The following FGFR2 variants were observed in gnomAD, a reference collection of about 807,000 sequenced individuals.
The protein encoded by FGFR2 is BEK fibroblast growth factor receptor.
A neutral mutation model predicts 95.9 loss-of-function variants in FGFR2; 19 were observed. The observed-to-expected ratio is 0.20, with a 90% CI of 0.14 to 0.29. The LOEUF is 0.29. Ranked by LOEUF, FGFR2 falls within the 10% of genes least tolerant of loss-of-function variation. The pLI, the probability that FGFR2 is intolerant of heterozygous loss-of-function variation, is 1.00. For synonymous variants in FGFR2, 392 were observed against 393.3 expected (o/e 1.00, Z 0.04); for missense variants, 707 against 1,056.9 (o/e 0.67, Z 4.59).
intron 13 of FGFR2, among the ~76,000 whole-genome samples, chr10:121,492,591 T>C (rs1461295843): frequency 6.6e-6 from 1 of 152,194 alleles, no homozygotes; most frequent in East Asian, 1.9e-4. Context: ...TGGCTCCCCA[T>C]TGTGAGGGGA....
At chr10:121,556,132 G>A (rs990943376) in intron 4 of FGFR2, among the ~76,000 whole-genome samples, 3 of 150,280 alleles carry the variant, frequency 2.0e-5, no homozygotes, top group Non-Finnish European at 2.9e-5. Flanking sequence ...ATGGATGGAC[G>A]GACGGATGGA....
At chr10:121,546,286 G>T (rs1195367341) in intron 5 of FGFR2, among the ~76,000 whole-genome samples, 1 of 152,040 alleles carries the variant, frequency 6.6e-6, no homozygotes, top group Non-Finnish European at 1.5e-5. Context: ...AGCCTGAAGG[G>T]ATCAGGATTA....
intron 9 of FGFR2, among the ~76,000 whole-genome samples, chr10:121,509,482 CTTTTTTTTTTTTTTTTTT>C (rs67778522): frequency 2.2e-5 from 1 of 45,354 alleles, no homozygotes; most frequent in East Asian, 9.4e-4. Flanking sequence ...TGTTTCTTTT[CTTTTTTTTTTTTTTTTTT>C]TTTTTTTTTG....
At chr10:121,551,918 C>A (rs1396453053) in intron 4 of FGFR2, among the ~76,000 whole-genome samples, 1 of 152,010 alleles carries the variant, frequency 6.6e-6, no homozygotes, top group Non-Finnish European at 1.5e-5. Context: ...TCCATTGGAG[C>A]CTTACTTTAA....
At chr10:121,554,275 C>T (rs1855803151) in intron 4 of FGFR2, among the ~76,000 whole-genome samples, 1 of 152,016 alleles carries the variant, frequency 6.6e-6, no homozygotes, top group African/African-American at 2.4e-5. Flanking sequence ...CACAGCCTCT[C>T]TTTAAATATC....
rs1002436616 is a variant in FGFR2 at position 121,598,015 on chromosome 10, T to C, written c.-204A>G. On this transcript the variant is annotated 5_prime_UTR_variant, in exon 1 of 18. Transcript: ENST00000358487. Reference sequence around the variant, plus strand: ...GTGTTGTCCCCGCGCCCCGCGTGGGTCGGGATGGAGAAAGCGACGAGCCCG... The same window carrying C: ...GTGTTGTCCCCGCGCCCCGCGTGGGCCGGGATGGAGAAAGCGACGAGCCCG... The C allele has an allele frequency of 4.8e-5, 19 of 396,024 alleles. No individual in the cohort carries two copies. Among genetic ancestry groups the C allele is most frequent in the Non-Finnish European group, 8.0e-5 (18 of 224,580 alleles). The allele number at this position is 396,024 out of a possible 1,614,324, so 24.5% of individuals were successfully genotyped here.
chr10:121,523,544 C>T (rs1482366857), intron 6 of FGFR2, among the ~76,000 whole-genome samples: 1 of 152,178 alleles, frequency 6.6e-6, no homozygotes, highest in Non-Finnish European at 1.5e-5. Context: ...CTTCACAGCA[C>T]GAGGGGAAGC....
chr10:121,517,461 G>C lies in FGFR2; in HGVS notation c.942C>G (p.Ala314=), dbSNP rs201717227. 20 of 1,614,090 alleles carry C rather than the reference G, an allele frequency of 1.2e-5. No homozygotes were observed. The highest frequency in any genetic ancestry group is 1.7e-5 in the Non-Finnish European group (20 of 1,180,022). The change falls in exon 8 of 18, where the codon GCC becomes GCG. Residue 314 remains alanine, a splice_region_variant and synonymous_variant. Coordinates refer to ENST00000358487, the MANE Select transcript of FGFR2 (RefSeq NM_000141.5). This position sits in a 1 kb window ranked among gnomAD's most constrained non-coding sequence, Gnocchi z 4.7. ...DGLPYLKVLK[A]AGVNTTDKEI... ...CTTTGTCCGTGGTGTTAACACCGGC[G>C]GCCTAGAAAACAAGGGAAGCAAAAG... is the stretch of plus-strand genomic sequence containing the variant.
At chr10:121,504,851 A>T (rs1294162896) in intron 9 of FGFR2, among the ~76,000 whole-genome samples, 1 of 152,048 alleles carries the variant, frequency 6.6e-6, no homozygotes, top group African/African-American at 2.4e-5. Flanking sequence ...ACTCACACAG[A>T]GCACACTGGA....
intron 6 of FGFR2, among the ~76,000 whole-genome samples, chr10:121,525,320 G>A (rs1042354985): frequency 2.0e-5 from 3 of 152,150 alleles, no homozygotes; most frequent in Non-Finnish European, 2.9e-5. Context: ...CAAAGGGTGC[G>A]GCCACTGCTG....
Position 121,518,869 on chromosome 10 carries a change from G to C in FGFR2, c.939+1110C>G, listed in dbSNP as rs2134289157. Reference sequence around the variant, plus strand: ...GGAGAACAATATAACGGCCAACCAGGAAGGTCTTAGCATTGTCTATGGTCC... The same window carrying C: ...GGAGAACAATATAACGGCCAACCAGCAAGGTCTTAGCATTGTCTATGGTCC... On this transcript the variant is annotated intron_variant, in intron 7 of 17. Transcript: ENST00000358487. The surrounding 1 kb of genome is among the most constrained non-coding windows in gnomAD (Gnocchi z 4.0). 1 of 1,613,432 alleles carries C rather than the reference G, an allele frequency of 6.2e-7. No homozygotes were observed.
At chr10:121,512,876 C>CT (rs903690420) in intron 9 of FGFR2, among the ~76,000 whole-genome samples, 6 of 151,338 alleles carry the variant, frequency 4.0e-5, no homozygotes, top group African/African-American at 1.2e-4. Flanking sequence ...AATTCTCTCT[C>CT]TTTTTTTTTA....
intron 5 of FGFR2, among the ~76,000 whole-genome samples, chr10:121,547,598 T>C (rs1270171826): frequency 6.6e-6 from 1 of 152,054 alleles, no homozygotes; most frequent in African/African-American, 2.4e-5. Context: ...GGTCTCACTA[T>C]GTTGCCTAAG....
intron 4 of FGFR2, among the ~76,000 whole-genome samples, chr10:121,559,136 CAAA>C (rs1336784818): frequency 7.4e-6 from 1 of 135,772 alleles, no homozygotes; most frequent in Non-Finnish European, 1.6e-5. Context: ...AAAAAAAACT[CAAA>C]AAAGCCCAAA....
In FGFR2 at chr10:121,479,708, T is replaced by G; in HGVS notation, c.*149A>C. On this transcript the variant is annotated 3_prime_UTR_variant, in exon 18 of 18. Coordinates refer to ENST00000358487, the MANE Select transcript of FGFR2 (RefSeq NM_000141.5). ...ACAAGTTTTCAACTGTATAAATCTT[T>G]ACACATATGCTGATTACTTTTCCAA... The G allele has an allele frequency of 1.3e-6, 2 of 1,593,890 alleles. No homozygotes were observed. The highest frequency in any genetic ancestry group is 1.7e-6 in the Non-Finnish European group (2 of 1,169,050).
At chr10:121,528,371 T>A (rs1439851132) in intron 6 of FGFR2, among the ~76,000 whole-genome samples, 2 of 152,034 alleles carry the variant, frequency 1.3e-5, no homozygotes, top group Non-Finnish European at 2.9e-5. Context: ...TTAAACGAAT[T>A]GTACTACATC....
intron 2 of FGFR2, among the ~76,000 whole-genome samples, chr10:121,582,200 G>T (rs146997064): frequency 6.6e-6 from 1 of 151,958 alleles, no homozygotes; most frequent in Non-Finnish European, 1.5e-5. Flanking sequence ...AAAGTGCTGG[G>T]ATTACAGGCG....
At chr10:121,559,390 C>T (rs774374617) in intron 4 of FGFR2, among the ~76,000 whole-genome samples, 4 of 152,190 alleles carry the variant, frequency 2.6e-5, no homozygotes, top group South Asian at 4.1e-4. Context: ...TTAATGGCAA[C>T]GTCCCCTTTC....
chr10:121,596,902 A>G (rs969641744), intron 1 of FGFR2, among the ~76,000 whole-genome samples: 1 of 151,950 alleles, frequency 6.6e-6, no homozygotes, highest in African/African-American at 2.4e-5. Context: ...TTTTCTATTC[A>G]AACTAAACAG....
Sources: gnomAD v4.1 joint callset for allele counts (sites outside exome capture counted in the v4.1 genomes callset) on GRCh38, gnomAD v4.1.1 for gene constraint, Gnocchi (gnomAD v3.1) non-coding constraint, MANE v1.5 for transcripts, NCBI Gene and HGNC (gene_info 2026-07-23, HGNC 2026-07-21) for gene names.